OLFML1: variants seen among roughly 807,000 people sequenced by gnomAD.
OLFML1 encodes olfactomedin-like protein 1.
In OLFML1, 33 loss-of-function variants were observed where a neutral mutation model predicts 37.3. That is an observed-to-expected ratio of 0.88 (90% CI 0.67 to 1.18). The LOEUF is 1.18. Ranked by LOEUF, OLFML1 falls within the 50% of genes most tolerant of loss-of-function variation. The probability of loss-of-function intolerance (pLI) is 0.00; values close to 1 mark genes in which losing one functional copy is unlikely to be tolerated. For synonymous variants in OLFML1, 186 were observed against 181.3 expected, an observed-to-expected ratio of 1.03 and a Z score of -0.21; for missense variants, 545 against 483.7, an observed-to-expected ratio of 1.13 and a Z score of -1.19.
intron 2 of OLFML1, among the ~76,000 whole-genome samples, chr11:7,498,550 C>G (rs539365436): frequency 1.8e-4 from 27 of 152,346 alleles, no homozygotes; most frequent in African/African-American, 6.5e-4. Flanking sequence ...TATTTTATAA[C>G]TGACTACAAG....
chr11:7,496,804 T>C (rs1379271770), intron 2 of OLFML1, among the ~76,000 whole-genome samples: 1 of 152,206 alleles, frequency 6.6e-6, no homozygotes, highest in Non-Finnish European at 1.5e-5. Context: ...TACAATGTTG[T>C]TGCAGTCAGA....
intron 2 of OLFML1, chr11:7,488,963 T>C (rs929447847): frequency 6.6e-6 from 1 of 152,342 alleles, no homozygotes; most frequent in Admixed American, 6.5e-5. Flanking sequence ...AAGAATAATG[T>C]GTAGCAGCTC....
Position 7,485,785 on chromosome 11 carries a change from C to T in OLFML1, c.-91C>T, listed in dbSNP as rs1426234489. 2.0e-5 allele frequency: 26 copies of T among 1,314,678 alleles called. No individual in the cohort carries two copies. Among genetic ancestry groups the T allele is most frequent in the East Asian group, 7.0e-5 (3 of 43,074 alleles). The allele number at this position is 1,314,678 out of a possible 1,614,324, so 81.4% of individuals were successfully genotyped here. A position where few individuals can be genotyped will look rare whatever the true frequency, so the allele number is the denominator to read the frequency against. On this transcript the variant is annotated 5_prime_UTR_variant, in exon 1 of 3. Transcript: ENST00000329293. ...GTTTTTAGAGGATTTGCCACAGCAG[C>T]GGATAGAGCAGGAGAGCACCACCGG...
intron 2 of OLFML1, among the ~76,000 whole-genome samples, chr11:7,491,504 G>A (rs1019093719): frequency 1.7e-5 from 2 of 114,768 alleles, no homozygotes; most frequent in African/African-American, 7.1e-5. Flanking sequence ...CAATCACAAC[G>A]GTGTGATTAG....
chr11:7,504,438 A>G (rs1009239684), intron 2 of OLFML1, among the ~76,000 whole-genome samples: 3 of 152,016 alleles, frequency 2.0e-5, no homozygotes, highest in Admixed American at 2.0e-4. Context: ...TGAGAAGCCA[A>G]TGGAGGGTTT....
chr11:7,486,132 C>G, intron 1 of OLFML1, 128 bp downstream of exon 1: 1 of 891,998 alleles, frequency 1.1e-6, no homozygotes, highest in Non-Finnish European at 1.7e-6. Flanking sequence ...CAAAGTTACA[C>G]TTTAAAATGC....
chr11:7,509,647 G>T lies in OLFML1; in HGVS notation c.668G>T (p.Gly223Val). Residue 223 changes from glycine to valine, a missense_variant, in exon 3 of 3, where the codon GGT becomes GTT. Transcript: ENST00000329293. Reference protein sequence around the residue: ...WQGTGQVIYKGFLFFHNQATS... With the variant: ...WQGTGQVIYKVFLFFHNQATS... ...GGAACAGGCCAAGTGATCTACAAAG[G>T]TTTTCTATTTTTTCATAACCAAGCA... 4 of 1,614,194 alleles carry T rather than the reference G, an allele frequency of 2.5e-6. No homozygotes were observed. The highest frequency in any genetic ancestry group is 1.1e-5 in the South Asian group (1 of 91,088).
intron 2 of OLFML1, 102 bp downstream of exon 2, chr11:7,488,517 G>C: frequency 1.1e-6 from 1 of 925,602 alleles, no homozygotes; most frequent in Non-Finnish European, 1.6e-6. Context: ...ATGAGAGTAA[G>C]AATTGGAGGT....
At chr11:7,494,663 A>G (rs551328577) in intron 2 of OLFML1, among the ~76,000 whole-genome samples, 1 of 152,218 alleles carries the variant, frequency 6.6e-6, no homozygotes, top group Non-Finnish European at 1.5e-5. Context: ...TTCTGGCCAC[A>G]GGGTGCAGAG....
chr11:7,505,102 ATT>A (rs10642637), intron 2 of OLFML1, among the ~76,000 whole-genome samples: 1 of 142,950 alleles, frequency 7.0e-6, no homozygotes, highest in Admixed American at 6.9e-5. Context: ...TAATTATTGT[ATT>A]TTTTTTTTTT....
At chr11:7,505,838 T>TC (rs11389945) in intron 2 of OLFML1, among the ~76,000 whole-genome samples, 89,403 of 151,276 alleles carry the variant, frequency 0.59, 26,719 homozygotes, top group Non-Finnish European at 0.6. Flanking sequence ...CTCACCTGTC[T>TC]TAAAAAAAAT....
intron 2 of OLFML1, among the ~76,000 whole-genome samples, chr11:7,502,909 T>C (rs1315825042): frequency 6.6e-6 from 1 of 152,212 alleles, no homozygotes; most frequent in African/African-American, 2.4e-5. Context: ...CCTGGCCTTA[T>C]GTAACATTAT....
chr11:7,499,868 ATTGTT>A (rs1306970847), intron 2 of OLFML1, among the ~76,000 whole-genome samples: 3 of 151,970 alleles, frequency 2.0e-5, no homozygotes, highest in Non-Finnish European at 2.9e-5. Context: ...TGACTGATTT[ATTGTT>A]TTGTTTTGTT....
At chr11:7,498,659 G>T (rs562517261) in intron 2 of OLFML1, among the ~76,000 whole-genome samples, 2 of 152,236 alleles carry the variant, frequency 1.3e-5, no homozygotes, top group East Asian at 3.9e-4. Flanking sequence ...AATCCAGATG[G>T]TTGAAAAAGT....
At chr11:7,493,592 T>G (rs1157348985) in intron 2 of OLFML1, among the ~76,000 whole-genome samples, 1 of 152,214 alleles carries the variant, frequency 6.6e-6, no homozygotes, top group Admixed American at 6.5e-5. Flanking sequence ...TGGAGGCGCA[T>G]GTAGAGTACA....
chr11:7,499,205 G>A (rs1170950367), intron 2 of OLFML1, among the ~76,000 whole-genome samples: 2 of 152,330 alleles, frequency 1.3e-5, no homozygotes, highest in East Asian at 1.9e-4. Flanking sequence ...GAGGCCTTGC[G>A]CCAAATTCTA....
intron 2 of OLFML1, among the ~76,000 whole-genome samples, chr11:7,497,739 T>G (rs1000831569): frequency 6.6e-6 from 1 of 152,228 alleles, no homozygotes; most frequent in African/African-American, 2.4e-5. Context: ...TGGAATACTC[T>G]GAATTTAGTG....
rs1346272312 is a variant in OLFML1, at chr11:7,510,709, G to C, written c.*521G>C. ...TTTTGAGACAAGGTCTCACTATGTTGCCCAGGCTGGTCTCAAACTCCAGAG... is the reference window on the plus strand; with the variant it reads ...TTTTGAGACAAGGTCTCACTATGTTCCCCAGGCTGGTCTCAAACTCCAGAG... On this transcript the variant is annotated 3_prime_UTR_variant, in exon 3 of 3. Transcript: ENST00000329293. 1.3e-5 allele frequency: 2 copies of C among 152,248 alleles called. No individual in the cohort carries two copies. The highest frequency in any genetic ancestry group is 2.9e-5 in the Non-Finnish European group (2 of 68,450). 9.4% of individuals were successfully genotyped at this position (152,248 alleles called of 1,614,324 possible).
chr11:7,499,309 T>TA (rs1310028875), intron 2 of OLFML1, among the ~76,000 whole-genome samples: 1 of 152,182 alleles, frequency 6.6e-6, no homozygotes, highest in African/African-American at 2.4e-5. Flanking sequence ...TTGCCTCTGT[T>TA]AAAAAAATTT....
Sources: allele counts gnomAD v4.1 joint callset (sites outside exome capture counted in the v4.1 genomes callset), GRCh38; gene constraint gnomAD v4.1.1; transcripts MANE v1.5; gene names NCBI Gene and HGNC (gene_info 2026-07-23, HGNC 2026-07-21).